EIF4A3: variants seen among roughly 807,000 people sequenced by gnomAD.
EIF4A3 encodes eukaryotic initiation factor 4A-III.
Under a neutral mutation model 55.6 loss-of-function variants are expected in EIF4A3, and 1 was observed. The observed-to-expected ratio is 0.02, with a 90% confidence interval of 0.01 to 0.09. EIF4A3 has a LOEUF of 0.09. EIF4A3 is among the 10% of genes least tolerant of loss of function. The probability of loss-of-function intolerance (pLI) is 1.00; values close to 1 mark genes in which losing one functional copy is unlikely to be tolerated. For synonymous variants in EIF4A3, 194 were observed against 196.3 expected (o/e 0.99, Z 0.10); for missense variants, 221 against 540.7 (o/e 0.41, Z 5.86).
chr17:80,137,366 C>A lies in EIF4A3; in HGVS notation c.983+20G>T, dbSNP rs1317049271. 6.2e-7 allele frequency: 1 copy of A among 1,608,058 alleles called. No individual in the cohort carries two copies. Among genetic ancestry groups the A allele is most frequent in the Non-Finnish European group, 8.5e-7 (1 of 1,176,360 alleles). ...GTCTAGCAAACCCTGACCTGCAGAGCCACAGCATAGCAGACCCACCTGGCG... is the reference window on the plus strand; with the variant it reads ...GTCTAGCAAACCCTGACCTGCAGAGACACAGCATAGCAGACCCACCTGGCG... On this transcript the variant is annotated intron_variant, in intron 9 of 11. Coordinates refer to ENST00000649764, the MANE Select transcript of EIF4A3 (RefSeq NM_014740.4).
At chr17:80,138,836 A>T in intron 7 of EIF4A3, 185 bp downstream of exon 7, 1 of 763,352 alleles carries the variant, frequency 1.3e-6, no homozygotes, top group Non-Finnish European at 2.1e-6. Flanking sequence ...CAGGAATTTT[A>T]AAAGAATTTG....
chr17:80,146,182 G>A (rs76660048), intron 1 of EIF4A3, among the ~76,000 whole-genome samples: 3,631 of 152,270 alleles, frequency 0.024, 151 homozygotes, highest in African/African-American at 0.083. Context: ...GAATGCAGCT[G>A]GCTAAGGGCT....
In EIF4A3 at chr17:80,134,652, T is replaced by C. The variant is rs1469127758; in HGVS notation, c.*838A>G. ...CAGCCTAGGCCACAAAGTGAGACCCTGTCTCTACAAAAAATTTAAATATTA... is the reference window on the plus strand; with the variant it reads ...CAGCCTAGGCCACAAAGTGAGACCCCGTCTCTACAAAAAATTTAAATATTA... On this transcript the variant is annotated 3_prime_UTR_variant, in exon 12 of 12. Transcript: ENST00000649764. 6.6e-6 allele frequency among the ~76,000 whole-genome samples: 1 copy of C among 152,052 alleles called. No homozygotes were observed. Among genetic ancestry groups the C allele is most frequent in the African/African-American group, 2.4e-5 (1 of 41,420 alleles).
intron 2 of EIF4A3, 96 bp downstream of exon 2, chr17:80,144,076 G>C: frequency 4.2e-6 from 5 of 1,194,376 alleles, no homozygotes; most frequent in South Asian, 1.2e-5. Flanking sequence ...AACTGAGCGT[G>C]TACAAGCTGA....
chr17:80,136,361 CG>C, intron 9 of EIF4A3, 26 bp from the exon 10 acceptor site: 6 of 1,572,538 alleles, frequency 3.8e-6, no homozygotes, highest in Non-Finnish European at 5.2e-6. Context: ...GTGTTTGAGG[CG>C]ATTAAATTAC....
intron 4 of EIF4A3, 171 bp from the exon 5 acceptor site, chr17:80,140,311 TG>T: frequency 1.1e-6 from 1 of 881,902 alleles, no homozygotes; most frequent in Non-Finnish European, 1.5e-6. Flanking sequence ...AAGTTAATTT[TG>T]CTTTTTTTTT....
rs2039673716 is a variant in EIF4A3, at chr17:80,147,047, C to CTGCCGCTGCCGACGTCGCTG, written c.-87_-86insCAGCGACGTCGGCAGCGGCA. 3.5e-6 allele frequency: 4 copies of CTGCCGCTGCCGACGTCGCTG among 1,157,122 alleles called. No individual in the cohort carries two copies. Among genetic ancestry groups the CTGCCGCTGCCGACGTCGCTG allele is most frequent in the Non-Finnish European group, 4.2e-6 (4 of 943,834 alleles). The allele number at this position is 1,157,122 out of a possible 1,614,324, so 71.7% of individuals were successfully genotyped here. A position where few individuals can be genotyped will look rare whatever the true frequency, so the allele number is the denominator to read the frequency against. ...CCTCGCTGTGCCGCTGCCGACCTCG[C>CTGCCGCTGCCGACGTCGCTG]TGCCGCTGCCGACCTCGCTGTGCCG... On this transcript the variant is annotated 5_prime_UTR_variant, in exon 1 of 12. Transcript: ENST00000649764.
At chr17:80,146,695 G>A in intron 1 of EIF4A3, 98 bp downstream of exon 1, 1 of 1,407,092 alleles carries the variant, frequency 7.1e-7, no homozygotes, top group East Asian at 2.7e-5. Flanking sequence ...ACGACCTCCG[G>A]AGCGCAGGGC....
At chr17:80,141,704 T>C (rs1193156225) in intron 3 of EIF4A3, 78 bp downstream of exon 3, 3 of 1,440,670 alleles carry the variant, frequency 2.1e-6, no homozygotes, top group Non-Finnish European at 2.9e-6. Flanking sequence ...TTGTACTTTT[T>C]GAACACTGTA....
intron 4 of EIF4A3, among the ~76,000 whole-genome samples, chr17:80,141,072 T>C (rs939224256): frequency 1.3e-5 from 2 of 152,228 alleles, no homozygotes; most frequent in Non-Finnish European, 2.9e-5. Flanking sequence ...TTTATTAAAA[T>C]TGATTTTTCG....
chr17:80,146,741 G>A lies in EIF4A3; in HGVS notation c.169+52C>T. On this transcript the variant is annotated intron_variant, in intron 1 of 11. Coordinates refer to ENST00000649764, the MANE Select transcript of EIF4A3 (RefSeq NM_014740.4). Reference sequence around the variant, plus strand: ...GTCACCAGTCTGGCCCTCAGCCCCCGGCTCGCCCCCGACTCGCCCCCGGCT... The same window carrying A: ...GTCACCAGTCTGGCCCTCAGCCCCCAGCTCGCCCCCGACTCGCCCCCGGCT... The A allele has an allele frequency of 4.5e-6, 7 of 1,572,588 alleles. 1 individual carries two copies. In the South Asian group the frequency reaches 5.6e-5, roughly 13 times the overall value.
At chr17:80,141,991 C>A in intron 2 of EIF4A3, 143 bp from the exon 3 acceptor site, 1 of 594,816 alleles carries the variant, frequency 1.7e-6, no homozygotes, top group Non-Finnish European at 3.0e-6. Flanking sequence ...TGCGAGGAGG[C>A]AGGACTCGGG....
rs1342862132 is a variant in EIF4A3 at position 80,136,189 on chromosome 17, G to C, written c.1091+39C>G. The C allele has an allele frequency of 1.9e-6, 3 of 1,613,052 alleles. No individual in the cohort carries two copies. In the South Asian group the frequency reaches 3.3e-5, roughly 18 times the overall value. ...ATATAACAATCAAGATTTAGTAAAT[G>C]TGTCACAGAAGTGAAGCCAATGAGA... is the stretch of plus-strand genomic sequence containing the variant. On this transcript the variant is annotated intron_variant, in intron 10 of 11. Coordinates refer to ENST00000649764, the MANE Select transcript of EIF4A3 (RefSeq NM_014740.4).
At chr17:80,138,409 G>T in intron 7 of EIF4A3, 129 bp from the exon 8 acceptor site, 4 of 1,112,920 alleles carry the variant, frequency 3.6e-6, no homozygotes, top group Non-Finnish European at 5.2e-6. Context: ...AGACCCAGCA[G>T]CCCCAGCCCT....
rs771992802 is a variant in EIF4A3, at chr17:80,136,218, T to C, written c.1091+10A>G. The C allele has an allele frequency of 7.4e-6, 12 of 1,613,432 alleles. No homozygotes were observed. In the East Asian group the frequency reaches 2.0e-4, roughly 27 times the overall value. On this transcript the variant is annotated intron_variant, in intron 10 of 11. Transcript: ENST00000649764. ...CACAGAAGTGAAGCCAATGAGAGCT[T>C]GCACCTTACCTGTGTATGTACAATT...
At position 80,146,951 on chromosome 17, in the gene EIF4A3, G is replaced by A. The variant is rs11559243; in HGVS notation, c.11C>T (p.Thr4Met). The stretch of plus-strand genomic sequence containing the variant: ...CGAGCCCGAGGTCGCCATCGTGGCC[G>A]TGGTCGCCATGATTCAGAGTCCGCG... MATTATMATSGSAR... is the reference protein window; with the variant it reads MATMATMATSGSAR... The change falls in exon 1 of 12, where the codon ACG becomes ATG. Residue 4 changes from threonine to methionine, a missense_variant. Transcript: ENST00000649764. The A allele has an allele frequency of 3.9e-5, 63 of 1,606,248 alleles. No individual in the cohort carries two copies. The highest frequency in any genetic ancestry group is 3.0e-4 in the East Asian group (13 of 44,058).
chr17:80,141,937 G>C (rs766763162), intron 2 of EIF4A3, 89 bp from the exon 3 acceptor site: 18 of 1,054,926 alleles, frequency 1.7e-5, no homozygotes, highest in Non-Finnish European at 1.7e-5. Context: ...GAGGCACTTA[G>C]GTACCTTCTT....
intron 1 of EIF4A3, among the ~76,000 whole-genome samples, chr17:80,145,783 T>C (rs980331604): frequency 6.6e-6 from 1 of 152,036 alleles, no homozygotes; most frequent in Non-Finnish European, 1.5e-5. Context: ...CCTAGCCAAA[T>C]GTTTGCAGCA....
At position 80,138,058 on chromosome 17, in the gene EIF4A3, T is replaced by C. The variant is rs990403363; in HGVS notation, c.867+84A>G. On this transcript the variant is annotated intron_variant, in intron 8 of 11. Coordinates refer to ENST00000649764, the MANE Select transcript of EIF4A3 (RefSeq NM_014740.4). ...TTAAAATATGGACAAACTGGCCCTT[T>C]ACTGAAAAATCTTGATTTATGTCAT... is the stretch of plus-strand genomic sequence containing the variant. The C allele has an allele frequency of 2.8e-5, 43 of 1,537,112 alleles. No homozygotes were observed. In the East Asian group the frequency reaches 9.7e-4, roughly 35 times the overall value.
Sources: allele counts gnomAD v4.1 joint callset (sites outside exome capture counted in the v4.1 genomes callset), GRCh38; gene constraint gnomAD v4.1.1; transcripts MANE v1.5; gene names NCBI Gene and HGNC (gene_info 2026-07-23, HGNC 2026-07-21).